The following PARD3B variants were observed in gnomAD, a reference collection of about 807,000 sequenced individuals.
PARD3B encodes par-3 family cell polarity regulator beta, also known as partitioning defective 3 homolog B.
A neutral mutation model predicts 130.2 loss-of-function variants in PARD3B; 103 were observed. The ratio of observed to expected loss-of-function variants is 0.79; its 90% CI spans 0.67 to 0.93. PARD3B has a LOEUF of 0.93. PARD3B is among the 40% of genes least tolerant of loss of function. PARD3B has a pLI of 0.00. For synonymous variants in PARD3B, 583 were observed against 553.2 expected (o/e 1.05, Z -0.76); for missense variants, 1,609 against 1,499.2 (o/e 1.07, Z -1.21).
intron 2 of PARD3B, among the ~76,000 whole-genome samples, chr2:204,913,970 T>C (rs1176037946): frequency 1.3e-5 from 2 of 152,186 alleles, no homozygotes; most frequent in Non-Finnish European, 2.9e-5. Flanking sequence ...TGTGCTGGCT[T>C]AGCTTTTGCG....
At chr2:205,544,445 G>A (rs571264262) in intron 21 of PARD3B, among the ~76,000 whole-genome samples, 25 of 152,050 alleles carry the variant, frequency 1.6e-4, no homozygotes, top group Non-Finnish European at 2.6e-4. Flanking sequence ...ATACGCACAC[G>A]TGCACATACA....
chr2:205,390,438 T>G (rs2045817622), intron 18 of PARD3B, among the ~76,000 whole-genome samples: 1 of 152,334 alleles, frequency 6.6e-6, no homozygotes, highest in South Asian at 2.1e-4. Flanking sequence ...AAATATGATT[T>G]CAGCTGTGAT....
At position 204,661,878 on chromosome 2, in the gene PARD3B, T is replaced by C. The variant is rs2035822440; in HGVS notation, c.121-24303T>C. Among the ~76,000 whole-genome samples the C allele has an allele frequency of 2.1e-5, 3 of 145,968 alleles. No individual in the cohort carries two copies. The South Asian group carries it at 6.3e-4, about 31-fold the overall frequency. On this transcript the variant is annotated intron_variant, in intron 1 of 22. Transcript: ENST00000406610. Reference sequence around the variant, plus strand: ...ATCTCCTTCTGCATTCAATCTGTTGTGCCTATTTTGGTTTATGTAGAAACT... The same window carrying C: ...ATCTCCTTCTGCATTCAATCTGTTGCGCCTATTTTGGTTTATGTAGAAACT...
rs182707542 is a variant in PARD3B, at chr2:204,583,001, A to G, written c.120+36882A>G. Among the ~76,000 whole-genome samples, 319 of 151,896 alleles carry G rather than the reference A, an allele frequency of 2.1e-3. 1 individual carries two copies. Among genetic ancestry groups the G allele is most frequent in the Middle Eastern group, 6.8e-3 (2 of 294 alleles). On this transcript the variant is annotated intron_variant, in intron 1 of 22. Transcript: ENST00000406610. ...CAGGTGCTGGAGAGGATGTGGAGAA[A>G]TAGGAACACTTTTACACTGTTGGTG...
chr2:204,980,829 A>G (rs1015476984), intron 3 of PARD3B, among the ~76,000 whole-genome samples: 6 of 152,234 alleles, frequency 3.9e-5, no homozygotes, highest in African/African-American at 1.4e-4. Context: ...ATGACTAAAT[A>G]CAGTATGGTA....
At chr2:204,842,227 A>G (rs546034606) in intron 2 of PARD3B, among the ~76,000 whole-genome samples, 2 of 152,180 alleles carry the variant, frequency 1.3e-5, no homozygotes, top group East Asian at 3.9e-4. Context: ...GCCTTTCTCT[A>G]ATCTCTCCAG....
At chr2:205,402,464 A>T (rs1397387791) in intron 19 of PARD3B, among the ~76,000 whole-genome samples, 1 of 152,182 alleles carries the variant, frequency 6.6e-6, no homozygotes, top group African/African-American at 2.4e-5. Flanking sequence ...CATCTTCAGG[A>T]AACTGAGCTG....
chr2:205,491,455 C>A (rs980060156), intron 20 of PARD3B, among the ~76,000 whole-genome samples: 6 of 152,106 alleles, frequency 3.9e-5, no homozygotes, highest in African/African-American at 1.4e-4. Flanking sequence ...CTGTTCTGTT[C>A]TATTGGTCTA....
chr2:204,679,620 CTCAT>C lies in PARD3B; in HGVS notation c.121-6556_121-6553del, dbSNP rs544305790. Among the ~76,000 whole-genome samples the C allele has an allele frequency of 1.1e-3, 168 of 151,928 alleles. 1 individual carries two copies. Among genetic ancestry groups the C allele is most frequent in the African/African-American group, 3.0e-3 (123 of 41,458 alleles). ...AAATGTTTTGCATATTTTCATTAGA[CTCAT>C]TCATAAGTATTTGATTTTATGCTAT... On this transcript the variant is annotated intron_variant, in intron 1 of 22. Transcript: ENST00000406610.
chr2:204,596,619 C>G (rs566180153), intron 1 of PARD3B, among the ~76,000 whole-genome samples: 22 of 152,192 alleles, frequency 1.4e-4, no homozygotes, highest in African/African-American at 5.1e-4. Flanking sequence ...TAGAACACTC[C>G]CAATAATCTT....
intron 2 of PARD3B, among the ~76,000 whole-genome samples, chr2:204,899,493 A>G (rs2046780525): frequency 6.6e-6 from 1 of 151,984 alleles, no homozygotes; most frequent in Non-Finnish European, 1.5e-5. Flanking sequence ...ACAAGCAAGG[A>G]AAAAAAACTA....
intron 20 of PARD3B, among the ~76,000 whole-genome samples, chr2:205,477,194 A>G (rs576178579): frequency 2.6e-5 from 4 of 152,290 alleles, no homozygotes; most frequent in Admixed American, 6.5e-5. Flanking sequence ...AACATGGAAT[A>G]TTCTTCTGGT....
At chr2:205,100,895 A>G (rs1046959951) in intron 4 of PARD3B, among the ~76,000 whole-genome samples, 1 of 152,142 alleles carries the variant, frequency 6.6e-6, no homozygotes, top group African/African-American at 2.4e-5. Flanking sequence ...TTCTTATAAT[A>G]AAACAAAGGT....
chr2:205,455,513 C>A (rs1169557694), intron 20 of PARD3B, among the ~76,000 whole-genome samples: 1 of 151,924 alleles, frequency 6.6e-6, no homozygotes, highest in Non-Finnish European at 1.5e-5. Context: ...TAGGGAATTA[C>A]AAAATGTTCT....
intron 1 of PARD3B, among the ~76,000 whole-genome samples, chr2:204,672,954 T>A (rs2036375152): frequency 6.6e-6 from 1 of 152,098 alleles, no homozygotes. Flanking sequence ...AATGTAAGAG[T>A]CTGTTGTCAA....
At chr2:204,884,237 G>A (rs1196200710) in intron 2 of PARD3B, among the ~76,000 whole-genome samples, 2 of 152,120 alleles carry the variant, frequency 1.3e-5, no homozygotes, top group Non-Finnish European at 2.9e-5. Context: ...AATAGATTAT[G>A]TCTACAAATT....
intron 22 of PARD3B, among the ~76,000 whole-genome samples, chr2:205,577,468 C>T (rs2053802488): frequency 6.6e-6 from 1 of 152,078 alleles, no homozygotes; most frequent in Non-Finnish European, 1.5e-5. Context: ...TGGGAAAATA[C>T]TTTAAATAAT....
At chr2:205,408,817 G>A (rs2046498248) in intron 19 of PARD3B, among the ~76,000 whole-genome samples, 1 of 152,060 alleles carries the variant, frequency 6.6e-6, no homozygotes, top group Admixed American at 6.6e-5. Flanking sequence ...CCTATCTTTT[G>A]CAGTAGAATT....
intron 22 of PARD3B, among the ~76,000 whole-genome samples, chr2:205,571,862 G>A (rs1575393622): frequency 6.6e-6 from 1 of 152,256 alleles, no homozygotes; most frequent in African/African-American, 2.4e-5. Flanking sequence ...ATTAGAGTTC[G>A]ATTTAGTGCA....
Sources: gnomAD v4.1 joint callset for allele counts (sites outside exome capture counted in the v4.1 genomes callset) on GRCh38, gnomAD v4.1.1 for gene constraint, MANE v1.5 for transcripts, NCBI Gene and HGNC (gene_info 2026-07-23, HGNC 2026-07-21) for gene names.